The following MLXIPL variants were observed in gnomAD, a reference collection of about 807,000 sequenced individuals.
The protein encoded by MLXIPL is MLX interacting protein like.
A neutral mutation model predicts 81.5 loss-of-function variants in MLXIPL; 49 were observed. The ratio of observed to expected loss-of-function variants is 0.60; its 90% CI spans 0.48 to 0.76. The LOEUF (loss-of-function observed/expected upper bound fraction) is 0.76, where lower values mean the gene tolerates loss of function less well. Ranked by LOEUF, MLXIPL falls within the 30% of genes least tolerant of loss-of-function variation. The pLI is 0.00. For synonymous variants in MLXIPL, 466 were observed against 485.5 expected, an observed-to-expected ratio of 0.96 and a Z score of 0.53; for missense variants, 1,053 against 1,167.0, an observed-to-expected ratio of 0.90 and a Z score of 1.42.
the MLXIPL span, among the ~76,000 whole-genome samples, chr7:73,637,059 CAA>C: frequency 9.2e-5 from 11 of 119,584 alleles, no homozygotes; most frequent in African/African-American, 2.2e-4. Context: ...GATTCCATCT[CAA>C]AAAAAAAAAA....
At chr7:73,606,407 G>C in intron 5 of MLXIPL, 1 of 454,014 alleles carries the variant, frequency 2.2e-6, no homozygotes, top group South Asian at 3.4e-5. Context: ...TTTTTTTTTT[G>C]TTTGTTTTCT....
chr7:73,626,596 G>A (rs1201350714), upstream of MLXIPL, among the ~76,000 whole-genome samples: 6 of 152,084 alleles, frequency 3.9e-5, no homozygotes, highest in Non-Finnish European at 5.9e-5. Context: ...ACAGAAACCA[G>A]ACTGAGGCAT....
At position 73,597,268 on chromosome 7, in the gene MLXIPL, C is replaced by T; in HGVS notation, c.1517G>A (p.Ser506Asn). 6.3e-7 allele frequency: 1 copy of T among 1,580,532 alleles called. No homozygotes were observed. The highest frequency in any genetic ancestry group is 8.6e-7 in the Non-Finnish European group (1 of 1,163,216). ...AGTGGCAGGGGCTAAGGTAGGGGGG[C>T]TGGCTTTCTGTCCCCTAGGGGATGG... is the stretch of plus-strand genomic sequence containing the variant. ...PAPSPRGQKA[S>N]PPTLAPATAS... The change falls in exon 9 of 17, where the codon AGC becomes AAC. Residue 506 changes from serine (S) to asparagine (N), a missense_variant. Physicochemically the swap from Ser to Asn is conservative, Grantham distance 46 (BLOSUM62 1). This residue lies in a region of MLXIPL where 823 missense variants were observed against 933.0 expected (regional missense o/e 0.88). Coordinates refer to ENST00000313375, the MANE Select transcript of MLXIPL (RefSeq NM_032951.3).
rs782102432 is a variant in MLXIPL, at chr7:73,597,519, A to G, written c.1266T>C (p.Thr422=). The change falls in exon 9 of 17, where the codon ACT becomes ACC. Residue 422 remains threonine (T), a synonymous_variant. Coordinates refer to ENST00000313375, the MANE Select transcript of MLXIPL (RefSeq NM_032951.3). ...AGAGAGGCTCTTCCTGCAGCAAAGC[A>G]GTGGGTGGTGCCATGGGAGGGAAGG... ...PPPFPPMAPP[T]ALLQEEPLFS... 6.8e-5 allele frequency: 81 copies of G among 1,197,408 alleles called. No individual in the cohort carries two copies. Among genetic ancestry groups the G allele is most frequent in the Non-Finnish European group, 8.3e-5 (79 of 951,574 alleles). The allele number at this position is 1,197,408 out of a possible 1,614,324, so 74.2% of individuals were successfully genotyped here. A position where few individuals can be genotyped will look rare whatever the true frequency, so the allele number is the denominator to read the frequency against.
In MLXIPL at chr7:73,594,273, C is replaced by T. The variant is rs1554592873; in HGVS notation, c.2440+1G>A. On this transcript the variant is annotated splice_donor_variant, in intron 16 of 16. Transcript: ENST00000313375. LOFTEE classifies it high-confidence loss of function. ...AGCAGGCAGGGAGATGGCTCACGTA[C>T]TTGGCCGGAGAGCGGGCAGAGAGCA... 1 of 1,612,070 alleles carries T rather than the reference C, an allele frequency of 6.2e-7. No individual in the cohort carries two copies. Among genetic ancestry groups the T allele is most frequent in the Non-Finnish European group, 8.5e-7 (1 of 1,180,004 alleles).
chr7:73,627,160 G>T (rs1796767605), upstream of MLXIPL, among the ~76,000 whole-genome samples: 2 of 152,128 alleles, frequency 1.3e-5, no homozygotes, highest in Admixed American at 6.5e-5. Flanking sequence ...ATCCCTGCCA[G>T]GTTAGGAAAG....
intron 2 of MLXIPL, 29 bp downstream of exon 2, chr7:73,616,041 CG>C: frequency 6.3e-7 from 1 of 1,588,814 alleles, no homozygotes; most frequent in Non-Finnish European, 8.6e-7. Flanking sequence ...CAGTCCCTCC[CG>C]GCTTGGGAGG....
chr7:73,602,227 T>TTTG (rs1554596582), intron 7 of MLXIPL, among the ~76,000 whole-genome samples: 3 of 149,308 alleles, frequency 2.0e-5, no homozygotes, highest in Non-Finnish European at 4.5e-5. Flanking sequence ...CTTTCTTTTT[T>TTTG]TTTTTTTGAG....
At chr7:73,624,142 A>AG in intron 1 of MLXIPL, 58 bp downstream of exon 1, 1 of 805,756 alleles carries the variant, frequency 1.2e-6, no homozygotes, top group Non-Finnish European at 1.8e-6. Context: ...CCTGCCCCGG[A>AG]CCCCCCCCCC....
the MLXIPL span, among the ~76,000 whole-genome samples, chr7:73,643,766 A>G: frequency 2.0e-5 from 3 of 152,172 alleles, no homozygotes; most frequent in South Asian, 6.2e-4. Flanking sequence ...CACATAGTAG[A>G]CACTTTATTT....
intron 7 of MLXIPL, among the ~76,000 whole-genome samples, chr7:73,603,619 A>C (rs1161123533): frequency 6.6e-6 from 1 of 152,162 alleles, no homozygotes; most frequent in Non-Finnish European, 1.5e-5. Flanking sequence ...GAGGTCACTA[A>C]GACTAAGCTT....
At chr7:73,620,413 CAAA>C (rs1563512270) in intron 1 of MLXIPL, among the ~76,000 whole-genome samples, 1 of 150,858 alleles carries the variant, frequency 6.6e-6, no homozygotes, top group Admixed American at 6.6e-5. Flanking sequence ...CAACAACAAA[CAAA>C]AAACAACAAC....
intron 1 of MLXIPL, among the ~76,000 whole-genome samples, chr7:73,618,941 AC>A (rs1796155050): frequency 6.6e-6 from 1 of 152,212 alleles, no homozygotes; most frequent in Non-Finnish European, 1.5e-5. Context: ...TGTGACAGTG[AC>A]AATATCCAAG....
At position 73,596,314 on chromosome 7, in the gene MLXIPL, G is replaced by A. The variant is rs782749678; in HGVS notation, c.1939-42C>T. On this transcript the variant is annotated intron_variant, in intron 12 of 16. Transcript: ENST00000313375. This position sits in a 1 kb window ranked among gnomAD's most constrained non-coding sequence, Gnocchi z 4.7. The stretch of plus-strand genomic sequence containing the variant: ...TTGGGTGAGCCTAGGAAGGAGCCCA[G>A]GAGGGCCTGGGGGTAGCAAACCGAT... 2.8e-5 allele frequency: 45 copies of A among 1,613,042 alleles called. No individual in the cohort carries two copies. Among genetic ancestry groups the A allele is most frequent in the Non-Finnish European group, 3.6e-5 (43 of 1,179,860 alleles).
chr7:73,605,362 C>T (rs932882561), intron 7 of MLXIPL, among the ~76,000 whole-genome samples: 4 of 151,970 alleles, frequency 2.6e-5, no homozygotes, highest in Admixed American at 2.6e-4. Context: ...AGTTTGGGAC[C>T]AGTCTGGGCA....
the MLXIPL span, among the ~76,000 whole-genome samples, chr7:73,639,711 T>C: frequency 6.6e-6 from 1 of 152,196 alleles, no homozygotes; most frequent in Admixed American, 6.6e-5. Flanking sequence ...GCTCTCATTA[T>C]TATTATAGGT....
chr7:73,600,944 G>A (rs1794768798), intron 7 of MLXIPL, among the ~76,000 whole-genome samples: 2 of 151,588 alleles, frequency 1.3e-5, no homozygotes, highest in Admixed American at 1.3e-4. Flanking sequence ...ACCTTTCTCT[G>A]ACCCTGACCA....
At chr7:73,607,262 C>CCGAGG (rs1795358794) in intron 4 of MLXIPL, 69 bp downstream of exon 4, 4 of 1,475,648 alleles carry the variant, frequency 2.7e-6, no homozygotes. Context: ...CAGGGATCTT[C>CCGAGG]CGAGGCGGGC....
rs1405380808 is a variant in MLXIPL, at chr7:73,623,511, G to A, written c.293+689C>T. On this transcript the variant is annotated intron_variant, in intron 1 of 16. Coordinates refer to ENST00000313375, the MANE Select transcript of MLXIPL (RefSeq NM_032951.3). The surrounding 1 kb of genome is among the most constrained non-coding windows in gnomAD (Gnocchi z 5.7). ...CAGCGACGGGCGCTCAGCCTAGTGT[G>A]GCGACGTGGGTAGGCGAACCCAGGC... Among the ~76,000 whole-genome samples, 2 of 152,152 alleles carry A rather than the reference G, an allele frequency of 1.3e-5. No individual in the cohort carries two copies. The highest frequency in any genetic ancestry group is 2.9e-5 in the Non-Finnish European group (2 of 68,022).
Sources: gnomAD v4.1 joint callset for allele counts (sites outside exome capture counted in the v4.1 genomes callset) on GRCh38, gnomAD v4.1.1 for gene constraint, gnomAD v4.1.1 regional missense constraint, Gnocchi (gnomAD v3.1) non-coding constraint, MANE v1.5 for transcripts, NCBI Gene and HGNC (gene_info 2026-07-23, HGNC 2026-07-21) for gene names.